ARHGEF10: variants seen among roughly 807,000 people sequenced by gnomAD.
ARHGEF10 encodes the protein Rho guanine nucleotide exchange factor 10.
ARHGEF10 carries 140 observed loss-of-function variants against 147.4 expected under a neutral mutation model. That is an observed-to-expected ratio of 0.95 (90% confidence interval 0.83 to 1.09). The LOEUF (loss-of-function observed/expected upper bound fraction) is 1.09, where lower values mean the gene tolerates loss of function less well. ARHGEF10 is among the 50% of genes least tolerant of loss of function. The pLI, the probability that ARHGEF10 is intolerant of heterozygous loss-of-function variation, is 0.00. For synonymous variants in ARHGEF10, 902 were observed against 695.8 expected, an observed-to-expected ratio of 1.30 and a Z score of -4.67; for missense variants, 2,222 against 1,752.7, an observed-to-expected ratio of 1.27 and a Z score of -4.78.
chr8:1,849,248 A>C (rs1804787209), intron 2 of ARHGEF10, among the ~76,000 whole-genome samples: 1 of 152,182 alleles, frequency 6.6e-6, no homozygotes, highest in African/African-American at 2.4e-5. Flanking sequence ...CTGCGGGGAC[A>C]CAGACGGCAA....
chr8:1,947,183 G>A (rs1378407829), intron 27 of ARHGEF10, among the ~76,000 whole-genome samples: 1 of 152,210 alleles, frequency 6.6e-6, no homozygotes, highest in Admixed American at 6.5e-5. Flanking sequence ...TCACGCGGCA[G>A]TGAGTGTCCA....
intron 6 of ARHGEF10, among the ~76,000 whole-genome samples, chr8:1,867,277 C>T (rs1038056569): frequency 6.6e-6 from 1 of 152,100 alleles, no homozygotes; most frequent in Non-Finnish European, 1.5e-5. Context: ...TGATTAATAT[C>T]ACAGCTTATT....
At position 1,843,406 on chromosome 8, in the gene ARHGEF10, C is replaced by T. The variant is rs1804243721; in HGVS notation, c.7C>T (p.Gln3Ter). The change falls in exon 2 of 29, where the codon CAG becomes TAG. Residue 3 changes from glutamine to a stop codon, truncating the protein, a stop_gained. Transcript: ENST00000349830. LOFTEE classifies it high-confidence loss of function. The part of the protein sequence containing the change: MD[Q>*]REPLPPAPAE... ...AGGCATCTGGAGCTGCAGCATGGAC[C>T]AGCGAGAGCCCCTGCCTCCCGCTCC... 1.2e-6 allele frequency: 2 copies of T among 1,613,272 alleles called. No homozygotes were observed. The highest frequency in any genetic ancestry group is 1.7e-6 in the Non-Finnish European group (2 of 1,179,990).
At chr8:1,890,253 G>A (rs1394083509) in intron 11 of ARHGEF10, among the ~76,000 whole-genome samples, 1 of 146,178 alleles carries the variant, frequency 6.8e-6, no homozygotes, top group African/African-American at 2.6e-5. Flanking sequence ...AGGCACTGAG[G>A]GTTGTGGATT....
Position 1,866,525 on chromosome 8 carries a change from G to A in ARHGEF10, c.546-1G>A. ...TGACTTTATGGTTTGTTTTCTTTAA[G>A]TGAAGATCAAGTCGGTCGAGAGGAC... On this transcript the variant is annotated splice_acceptor_variant, in intron 5 of 28. Coordinates refer to ENST00000349830, the MANE Select transcript of ARHGEF10 (RefSeq NM_014629.4). LOFTEE classifies it high-confidence loss of function. 1 of 1,612,126 alleles carries A rather than the reference G, an allele frequency of 6.2e-7. No homozygotes were observed. Among genetic ancestry groups the A allele is most frequent in the Non-Finnish European group, 8.5e-7 (1 of 1,179,972 alleles).
At chr8:1,945,238 G>A (rs575895419) in intron 26 of ARHGEF10, among the ~76,000 whole-genome samples, 35 of 152,326 alleles carry the variant, frequency 2.3e-4, no homozygotes, top group African/African-American at 8.2e-4. Context: ...CTCGGCAGGC[G>A]CACCATGCCT....
Position 1,956,775 on chromosome 8 carries a change from C to A in ARHGEF10, c.3547C>A (p.His1183Asn), listed in dbSNP as rs763901709. Residue 1183 changes from histidine to asparagine, a missense_variant, in exon 29 of 29, where the codon CAC (histidine) becomes AAC (asparagine). Coordinates refer to ENST00000349830, the MANE Select transcript of ARHGEF10 (RefSeq NM_014629.4). ...TGRGMVSYHA[H>N]NSPVKFIVLA... ...AAGAGGCATGGTCTCCTACCATGCA[C>A]ACAACAGTCCTGTCAAATTCATCGT... 2 of 1,614,006 alleles carry A rather than the reference C, an allele frequency of 1.2e-6. No individual in the cohort carries two copies. The highest frequency in any genetic ancestry group is 2.2e-5 in the South Asian group (2 of 91,086).
intron 14 of ARHGEF10, 34 bp from the exon 15 acceptor site, chr8:1,898,377 GGCAGGGAGGGCATGGCAGCCCT>G: frequency 2.0e-6 from 3 of 1,510,872 alleles, no homozygotes; most frequent in Non-Finnish European, 2.8e-6. Context: ...CGGCCCCAGG[GGCAGGGAGGGCATGGCAGCCCT>G]GCAGGGAGGT....
In ARHGEF10 at chr8:1,948,897, TCTC is replaced by T. The variant is rs1430825612; in HGVS notation, c.3397+3248_3397+3250del. Among the ~76,000 whole-genome samples the T allele has an allele frequency of 6.6e-6, 1 of 152,152 alleles. No individual in the cohort carries two copies. Among genetic ancestry groups the T allele is most frequent in the Non-Finnish European group, 1.5e-5 (1 of 68,032 alleles). On this transcript the variant is annotated intron_variant, in intron 27 of 28. Coordinates refer to ENST00000349830, the MANE Select transcript of ARHGEF10 (RefSeq NM_014629.4). The surrounding 1 kb of genome is among the most constrained non-coding windows in gnomAD (Gnocchi z 4.9). Reference sequence around the variant, plus strand: ...CGGGCCGTCACTGCTCCTGGGTTCTTCTCCTCCTTATCGTCCAAGATGGTTCCT... The same window carrying T: ...CGGGCCGTCACTGCTCCTGGGTTCTTCTCCTTATCGTCCAAGATGGTTCCT...
intron 15 of ARHGEF10, among the ~76,000 whole-genome samples, chr8:1,902,988 G>A (rs1433118090): frequency 6.6e-6 from 1 of 152,188 alleles, no homozygotes; most frequent in African/African-American, 2.4e-5. Context: ...ATCATCGTGA[G>A]CATCGTTCCA....
At chr8:1,919,596 C>G (rs1222388733) in intron 18 of ARHGEF10, among the ~76,000 whole-genome samples, 1 of 149,532 alleles carries the variant, frequency 6.7e-6, no homozygotes, top group African/African-American at 2.5e-5. Context: ...TGGAGCTGTT[C>G]TGTGGGTGAT....
At chr8:1,930,267 G>C (rs542826203) in intron 25 of ARHGEF10, among the ~76,000 whole-genome samples, 33 of 152,088 alleles carry the variant, frequency 2.2e-4, no homozygotes, top group African/African-American at 7.7e-4. Flanking sequence ...GGCCGGGAGC[G>C]ACGCCTTGGC....
chr8:1,905,462 C>G (rs1467480028), intron 16 of ARHGEF10, 109 bp from the exon 17 acceptor site: 1 of 1,345,288 alleles, frequency 7.4e-7, no homozygotes, highest in African/African-American at 1.4e-5. Context: ...TTCCGTAAAG[C>G]GCTCAGTTTG....
chr8:1,945,237 C>T (rs1231900267), intron 26 of ARHGEF10, among the ~76,000 whole-genome samples: 3 of 152,224 alleles, frequency 2.0e-5, no homozygotes, highest in South Asian at 2.1e-4. Flanking sequence ...CCTCGGCAGG[C>T]GCACCATGCC....
chr8:1,886,240 C>T (rs1808645817), intron 11 of ARHGEF10, among the ~76,000 whole-genome samples: 1 of 152,178 alleles, frequency 6.6e-6, no homozygotes. Flanking sequence ...ACTTGAGGAA[C>T]CAGAGTGACA....
chr8:1,892,632 T>C (rs1809635681), intron 11 of ARHGEF10, among the ~76,000 whole-genome samples: 1 of 152,040 alleles, frequency 6.6e-6, no homozygotes, highest in African/African-American at 2.4e-5. Context: ...AGTACCCGTG[T>C]GTGTGCATGT....
intron 23 of ARHGEF10, among the ~76,000 whole-genome samples, chr8:1,928,061 A>G (rs1812819822): frequency 3.3e-5 from 5 of 152,206 alleles, no homozygotes; most frequent in Admixed American, 3.3e-4. Context: ...AGCCTAGGTC[A>G]TTGAATATTA....
intron 2 of ARHGEF10, among the ~76,000 whole-genome samples, chr8:1,846,588 T>C (rs1406498094): frequency 6.6e-6 from 1 of 152,230 alleles, no homozygotes; most frequent in African/African-American, 2.4e-5. Flanking sequence ...TTTTAACTTT[T>C]TTTTTTTGAG....
rs75342725 is a variant in ARHGEF10, at chr8:1,850,760, C to T, written c.38-7200C>T. Among the ~76,000 whole-genome samples the T allele has an allele frequency of 7.0e-3, 1,063 of 152,262 alleles. 16 individuals carry two copies. Among genetic ancestry groups the T allele is most frequent in the African/African-American group, 0.024 (1,012 of 41,536 alleles). On this transcript the variant is annotated intron_variant, in intron 2 of 28. Coordinates refer to ENST00000349830, the MANE Select transcript of ARHGEF10 (RefSeq NM_014629.4). ...TACCTGCCCATATAGGTGTTGATAG[C>T]AGCTTTATTCATAATTGCCAGAACC... is the stretch of plus-strand genomic sequence containing the variant.
Sources: allele counts gnomAD v4.1 joint callset (sites outside exome capture counted in the v4.1 genomes callset), GRCh38; gene constraint gnomAD v4.1.1; non-coding constraint Gnocchi (gnomAD v3.1); transcripts MANE v1.5; gene names NCBI Gene and HGNC (gene_info 2026-07-23, HGNC 2026-07-21).